Variants in DLG2 observed in about 807,000 individuals in gnomAD.
The protein encoded by DLG2 is disks large homolog 2.
A neutral mutation model predicts 132.5 loss-of-function variants in DLG2; 45 were observed. The ratio of observed to expected loss-of-function variants is 0.34; its 90% CI spans 0.27 to 0.44. The LOEUF (loss-of-function observed/expected upper bound fraction) is 0.44. DLG2 is among the 20% of genes least tolerant of loss of function. The pLI is 1.00. For missense variants in DLG2, 1,045 were observed against 1,196.9 expected (o/e 0.87, Z 1.87); for synonymous variants, 424 against 419.6 (o/e 1.01, Z -0.13).
chr11:83,527,566 G>C (rs1370031721), intron 21 of DLG2, among the ~76,000 whole-genome samples: 2 of 151,926 alleles, frequency 1.3e-5, no homozygotes, highest in African/African-American at 2.4e-5. Flanking sequence ...TTTTAAAAGA[G>C]AGGTGTATGT....
chr11:85,541,485 T>C (rs1366352096), intron 3 of DLG2, among the ~76,000 whole-genome samples: 1 of 150,734 alleles, frequency 6.6e-6, no homozygotes, highest in Non-Finnish European at 1.5e-5. Flanking sequence ...ATGAATGTTT[T>C]ATCTTTAATA....
At chr11:84,748,218 T>C (rs982162205) in intron 6 of DLG2, among the ~76,000 whole-genome samples, 1 of 152,182 alleles carries the variant, frequency 6.6e-6, no homozygotes, top group African/African-American at 2.4e-5. Context: ...GCCTGCCAAC[T>C]AGATTCTCTA....
At chr11:84,845,080 A>G (rs747507943) in intron 6 of DLG2, among the ~76,000 whole-genome samples, 4 of 152,174 alleles carry the variant, frequency 2.6e-5, no homozygotes, top group Admixed American at 6.6e-5. Context: ...TTTTAAAAAT[A>G]TGCCTAAGGG....
At chr11:83,503,466 T>C (rs67800421) in intron 21 of DLG2, among the ~76,000 whole-genome samples, 48,292 of 135,644 alleles carry the variant, frequency 0.36, 9,441 homozygotes, top group Middle Eastern at 0.46. Context: ...CACACACACA[T>C]ATATTATTAA....
At chr11:83,859,882 C>A (rs1250714638) in intron 16 of DLG2, among the ~76,000 whole-genome samples, 1 of 152,118 alleles carries the variant, frequency 6.6e-6, no homozygotes, top group South Asian at 2.1e-4. Flanking sequence ...ACTTCTTGCC[C>A]TGCATCCCAG....
chr11:84,187,430 T>C (rs1023666035), intron 8 of DLG2, among the ~76,000 whole-genome samples: 1 of 152,054 alleles, frequency 6.6e-6, no homozygotes, highest in Non-Finnish European at 1.5e-5. Flanking sequence ...AGTGTACTTG[T>C]GTGGATTTTC....
chr11:85,582,597 G>A (rs1200693467), intron 3 of DLG2, among the ~76,000 whole-genome samples: 1 of 137,096 alleles, frequency 7.3e-6, no homozygotes, highest in Non-Finnish European at 1.5e-5. Flanking sequence ...GCCGAGGCAG[G>A]TGGATCACTT....
intron 19 of DLG2, among the ~76,000 whole-genome samples, chr11:83,569,156 T>G (rs2096757228): frequency 6.6e-6 from 1 of 151,886 alleles, no homozygotes; most frequent in African/African-American, 2.4e-5. Context: ...TTAAAAAATC[T>G]GTTTTAAGTA....
At chr11:84,440,727 G>A (rs1350890677) in intron 7 of DLG2, among the ~76,000 whole-genome samples, 1 of 152,134 alleles carries the variant, frequency 6.6e-6, no homozygotes, top group African/African-American at 2.4e-5. Context: ...GTGCAGCTGA[G>A]TTTGAGATGC....
intron 7 of DLG2, among the ~76,000 whole-genome samples, chr11:84,534,111 C>T (rs1024395138): frequency 6.6e-6 from 1 of 152,142 alleles, no homozygotes; most frequent in African/African-American, 2.4e-5. Flanking sequence ...AAACAATTTT[C>T]TCTAGGATAA....
At position 84,285,816 on chromosome 11, in the gene DLG2, G is replaced by C. The variant is rs79920080; in HGVS notation, c.520-34525C>G. Among the ~76,000 whole-genome samples the C allele has an allele frequency of 2.6e-5, 4 of 152,072 alleles. No homozygotes were observed. In the South Asian group the frequency reaches 8.3e-4, roughly 32 times the overall value. On this transcript the variant is annotated intron_variant, in intron 7 of 27. Transcript: ENST00000376104. The stretch of plus-strand genomic sequence containing the variant: ...TACATACCTGAATTACTTCATTATG[G>C]ATAAAAACTAGTTCTTTTGCTTACA...
chr11:83,970,157 C>G (rs1244597626), intron 12 of DLG2, among the ~76,000 whole-genome samples: 4 of 152,180 alleles, frequency 2.6e-5, no homozygotes, highest in African/African-American at 2.4e-5. Context: ...CTCATTGTCT[C>G]TCTCCTCAGA....
At chr11:85,601,903 A>G (rs756983431) in intron 2 of DLG2, among the ~76,000 whole-genome samples, 3 of 152,140 alleles carry the variant, frequency 2.0e-5, no homozygotes, top group Non-Finnish European at 2.9e-5. Context: ...AATCTTACCC[A>G]GTTTCCTTGA....
At chr11:84,807,244 G>A (rs554379597) in intron 6 of DLG2, among the ~76,000 whole-genome samples, 1 of 152,270 alleles carries the variant, frequency 6.6e-6, no homozygotes, top group South Asian at 2.1e-4. Flanking sequence ...TCAGGACTTT[G>A]AGACCAGCCT....
At chr11:84,972,786 C>T (rs2054282127) in intron 6 of DLG2, among the ~76,000 whole-genome samples, 1 of 152,068 alleles carries the variant, frequency 6.6e-6, no homozygotes, top group African/African-American at 2.4e-5. Flanking sequence ...TGCCATCCCT[C>T]AAACATTTAA....
At chr11:85,264,819 A>G (rs893470118) in intron 4 of DLG2, among the ~76,000 whole-genome samples, 11 of 152,158 alleles carry the variant, frequency 7.2e-5, no homozygotes, top group South Asian at 2.1e-4. Context: ...TAGCTTCCCA[A>G]CAGTCAACAG....
At chr11:83,861,392 GAA>G (rs1468485526) in intron 16 of DLG2, among the ~76,000 whole-genome samples, 4 of 152,148 alleles carry the variant, frequency 2.6e-5, no homozygotes, top group Non-Finnish European at 4.4e-5. Context: ...ATACCCAAAA[GAA>G]AAGAAATCAG....
chr11:84,221,273 G>C (rs1295397617), intron 8 of DLG2, among the ~76,000 whole-genome samples: 1 of 151,950 alleles, frequency 6.6e-6, no homozygotes, highest in Non-Finnish European at 1.5e-5. Context: ...AGACCAGCCT[G>C]GCCAACATAG....
chr11:85,564,608 T>C (rs1165300408), intron 3 of DLG2, among the ~76,000 whole-genome samples: 1 of 152,072 alleles, frequency 6.6e-6, no homozygotes, highest in Non-Finnish European at 1.5e-5. Flanking sequence ...CTCTGTTCCA[T>C]TGATCTATAT....
Sources: gnomAD v4.1 joint callset for allele counts (sites outside exome capture counted in the v4.1 genomes callset) on GRCh38, gnomAD v4.1.1 for gene constraint, MANE v1.5 for transcripts, NCBI Gene and HGNC (gene_info 2026-07-23, HGNC 2026-07-21) for gene names.